The following FBXL7 variants were observed in gnomAD, a reference collection of about 807,000 sequenced individuals.
The protein encoded by FBXL7 is F-box/LRR-repeat protein 7.
In FBXL7, 12 loss-of-function variants were observed where a neutral mutation model predicts 38.3. The ratio of observed to expected loss-of-function variants is 0.31; its 90% CI spans 0.20 to 0.51. The LOEUF is 0.51. Among genes scored for constraint, FBXL7 ranks in the 20% least tolerant of loss-of-function variants. The pLI, the probability that FBXL7 is intolerant of heterozygous loss-of-function variation, is 0.98. For synonymous variants in FBXL7, 297 were observed against 300.9 expected, an observed-to-expected ratio of 0.99 and a Z score of 0.13; for missense variants, 567 against 676.4, an observed-to-expected ratio of 0.84 and a Z score of 1.79.
At chr5:15,671,448 G>A (rs1172766109) in intron 2 of FBXL7, among the ~76,000 whole-genome samples, 1 of 131,494 alleles carries the variant, frequency 7.6e-6, no homozygotes, top group Non-Finnish European at 1.6e-5. Flanking sequence ...TAAACAATTG[G>A]TGTTTTTTTT....
At chr5:15,617,434 T>C (rs952008141) in intron 2 of FBXL7, among the ~76,000 whole-genome samples, 3 of 87,004 alleles carry the variant, frequency 3.4e-5, no homozygotes, top group Non-Finnish European at 8.8e-5. Context: ...TTTATTTATT[T>C]ATTTATTTAT....
At chr5:15,675,024 T>C (rs1742606360) in intron 2 of FBXL7, among the ~76,000 whole-genome samples, 1 of 152,138 alleles carries the variant, frequency 6.6e-6, no homozygotes, top group Non-Finnish European at 1.5e-5. Flanking sequence ...CTCCTTGAAC[T>C]GCCACAGGCG....
intron 2 of FBXL7, among the ~76,000 whole-genome samples, chr5:15,874,025 A>G (rs1160691225): frequency 6.6e-6 from 1 of 152,222 alleles, no homozygotes; most frequent in Non-Finnish European, 1.5e-5. Flanking sequence ...ACCCAATAAA[A>G]TACTGGCAAA....
At chr5:15,567,551 G>C (rs1468457501) in intron 1 of FBXL7, among the ~76,000 whole-genome samples, 1 of 151,696 alleles carries the variant, frequency 6.6e-6, no homozygotes, top group Non-Finnish European at 1.5e-5. Flanking sequence ...TTTTCACTGA[G>C]AACCTTTTGC....
At chr5:15,561,299 G>A (rs1317255813) in intron 1 of FBXL7, among the ~76,000 whole-genome samples, 2 of 152,058 alleles carry the variant, frequency 1.3e-5, no homozygotes, top group African/African-American at 4.8e-5. Context: ...GATTCCACAT[G>A]TAAGTGAGAT....
At chr5:15,694,583 T>C (rs910849251) in intron 2 of FBXL7, among the ~76,000 whole-genome samples, 25 of 152,170 alleles carry the variant, frequency 1.6e-4, no homozygotes, top group Admixed American at 1.4e-3. Flanking sequence ...ACAAAACAGA[T>C]CTTTTCCCAA....
chr5:15,603,552 C>T (rs147826974), intron 1 of FBXL7, among the ~76,000 whole-genome samples: 74 of 152,312 alleles, frequency 4.9e-4, no homozygotes, highest in Non-Finnish European at 9.0e-4. Context: ...AGTGGGAATT[C>T]TCCACTCTGT....
intron 2 of FBXL7, among the ~76,000 whole-genome samples, chr5:15,880,637 A>G (rs1476558591): frequency 3.3e-5 from 5 of 150,840 alleles, no homozygotes; most frequent in South Asian, 4.2e-4. Flanking sequence ...TCAGGCTACA[A>G]TGGATTGCAA....
intron 2 of FBXL7, among the ~76,000 whole-genome samples, chr5:15,805,032 A>G (rs1737668712): frequency 6.6e-6 from 1 of 152,142 alleles, no homozygotes; most frequent in South Asian, 2.1e-4. Context: ...GTAGATGGCC[A>G]TCTTCTCCCT....
chr5:15,890,349 A>G (rs1441554925), intron 2 of FBXL7, among the ~76,000 whole-genome samples: 2 of 152,122 alleles, frequency 1.3e-5, no homozygotes, highest in Non-Finnish European at 2.9e-5. Flanking sequence ...CCCGGGTTCA[A>G]GCGATTCTCC....
chr5:15,691,055 T>C (rs1743166784), intron 2 of FBXL7, among the ~76,000 whole-genome samples: 1 of 152,250 alleles, frequency 6.6e-6, no homozygotes, highest in Non-Finnish European at 1.5e-5. Context: ...GTATGTGACA[T>C]GGCTTTCCCA....
intron 2 of FBXL7, among the ~76,000 whole-genome samples, chr5:15,785,323 T>A (rs1203739646): frequency 6.6e-6 from 1 of 152,168 alleles, no homozygotes; most frequent in African/African-American, 2.4e-5. Flanking sequence ...CAGGGGCACT[T>A]GGTTAATGTG....
At chr5:15,832,733 T>C (rs1166972296) in intron 2 of FBXL7, among the ~76,000 whole-genome samples, 2 of 152,142 alleles carry the variant, frequency 1.3e-5, no homozygotes, top group African/African-American at 4.8e-5. Context: ...CAGGTCGGGA[T>C]GATTGAGACA....
chr5:15,610,326 T>C (rs562584449), intron 1 of FBXL7, among the ~76,000 whole-genome samples: 48 of 152,206 alleles, frequency 3.2e-4, no homozygotes, highest in Non-Finnish European at 6.6e-4. Context: ...TTGCCCCTGG[T>C]CATTTCCAGT....
At chr5:15,717,265 C>T (rs1023759098) in intron 2 of FBXL7, among the ~76,000 whole-genome samples, 1 of 152,150 alleles carries the variant, frequency 6.6e-6, no homozygotes, top group Non-Finnish European at 1.5e-5. Context: ...GTCCCTGAGT[C>T]CCCTGCTGCT....
chr5:15,521,800 A>G (rs936867342), intron 1 of FBXL7, among the ~76,000 whole-genome samples: 5 of 152,330 alleles, frequency 3.3e-5, no homozygotes, highest in Admixed American at 1.3e-4. Context: ...GCGTGTACTT[A>G]ACAGCCTAAG....
chr5:15,905,061 C>G (rs1409569305), intron 2 of FBXL7, among the ~76,000 whole-genome samples: 1 of 152,158 alleles, frequency 6.6e-6, no homozygotes, highest in Non-Finnish European at 1.5e-5. Flanking sequence ...TTACCATAGT[C>G]AATCACTGGA....
intron 2 of FBXL7, among the ~76,000 whole-genome samples, chr5:15,763,336 T>C (rs1421834831): frequency 6.6e-6 from 1 of 152,214 alleles, no homozygotes; most frequent in African/African-American, 2.4e-5. Flanking sequence ...GTGTAATATA[T>C]GGTAGACGTG....
At chr5:15,807,694 T>TC (rs397765369) in intron 2 of FBXL7, among the ~76,000 whole-genome samples, 4 of 151,816 alleles carry the variant, frequency 2.6e-5, no homozygotes, top group Non-Finnish European at 4.4e-5. Context: ...TTTTTTTTTT[T>TC]ACATTGCTGA....
Sources: gnomAD v4.1 joint callset for allele counts (sites outside exome capture counted in the v4.1 genomes callset) on GRCh38, gnomAD v4.1.1 for gene constraint, MANE v1.5 for transcripts, NCBI Gene and HGNC (gene_info 2026-07-23, HGNC 2026-07-21) for gene names.